Variants in AGPS observed in about 807,000 individuals in gnomAD.
AGPS encodes the protein alkylglycerone phosphate synthase.
A neutral mutation model predicts 90.7 loss-of-function variants in AGPS; 26 were observed. That is an observed-to-expected ratio of 0.29 (90% CI 0.21 to 0.40). AGPS has a LOEUF of 0.40. Among genes scored for constraint, AGPS ranks in the 10% least tolerant of loss-of-function variants. The pLI is 1.00. For synonymous variants in AGPS, 294 were observed against 285.3 expected, an observed-to-expected ratio of 1.03 and a Z score of -0.31; for missense variants, 540 against 816.1, an observed-to-expected ratio of 0.66 and a Z score of 4.12.
At chr2:177,490,066 CA>C (rs1688205753) in intron 11 of AGPS, among the ~76,000 whole-genome samples, 1 of 151,970 alleles carries the variant, frequency 6.6e-6, no homozygotes, top group Non-Finnish European at 1.5e-5. Context: ...TTAAACCTAC[CA>C]AATTAGTTTT....
At chr2:177,512,080 C>G (rs1412289541) in intron 16 of AGPS, among the ~76,000 whole-genome samples, 2 of 151,794 alleles carry the variant, frequency 1.3e-5, no homozygotes, top group Non-Finnish European at 2.9e-5. Flanking sequence ...TTTCTAGAGC[C>G]AACATAAAGA....
At chr2:177,493,295 T>A in intron 12 of AGPS, 96 bp downstream of exon 12, 1 of 1,076,008 alleles carries the variant, frequency 9.3e-7, no homozygotes, top group African/African-American at 1.5e-5. Context: ...AGAAAGAACG[T>A]CAGTCTTGCC....
intron 19 of AGPS, among the ~76,000 whole-genome samples, chr2:177,533,173 C>T (rs2079152928): frequency 6.6e-6 from 1 of 152,076 alleles, no homozygotes; most frequent in Admixed American, 6.6e-5. Context: ...TTTGACTGGC[C>T]TTTTCTAACA....
At chr2:177,473,387 T>A (rs1029400885) in intron 10 of AGPS, among the ~76,000 whole-genome samples, 2 of 152,206 alleles carry the variant, frequency 1.3e-5, no homozygotes, top group African/African-American at 4.8e-5. Context: ...TCAAACAGCA[T>A]TTGAAGCCTT....
At position 177,434,997 on chromosome 2, in the gene AGPS, G is replaced by GTATATATATATA. The variant is rs1553509324; in HGVS notation, c.441+596_441+607dup. On this transcript the variant is annotated intron_variant, in intron 3 of 19. Transcript: ENST00000264167. The stretch of plus-strand genomic sequence containing the variant: ...GGGATTAGGAAACTTTAAACTGTAG[G>GTATATATATATA]TATATATATATATATATATATATAT... Among the ~76,000 whole-genome samples the GTATATATATATA allele has an allele frequency of 4.1e-3, 523 of 128,056 alleles. 4 individuals are homozygous for GTATATATATATA. Among genetic ancestry groups the GTATATATATATA allele is most frequent in the South Asian group, 9.0e-3 (35 of 3,874 alleles). 84.0% of individuals were successfully genotyped at this position (128,056 alleles called of 152,430 possible).
At chr2:177,522,402 T>G (rs547211390) in intron 18 of AGPS, among the ~76,000 whole-genome samples, 1 of 152,256 alleles carries the variant, frequency 6.6e-6, no homozygotes, top group Admixed American at 6.5e-5. Flanking sequence ...AGGATATAAA[T>G]TCTTAGAGCA....
chr2:177,501,281 C>G (rs1343563194), intron 14 of AGPS, among the ~76,000 whole-genome samples: 1 of 152,090 alleles, frequency 6.6e-6, no homozygotes, highest in Non-Finnish European at 1.5e-5. Context: ...TGTACACACA[C>G]CCACACACAG....
chr2:177,462,495 A>G (rs2105667320), intron 9 of AGPS, among the ~76,000 whole-genome samples: 1 of 152,218 alleles, frequency 6.6e-6, no homozygotes, highest in Non-Finnish European at 1.5e-5. Flanking sequence ...TATAGTAGAA[A>G]GTTAATCAAA....
intron 12 of AGPS, among the ~76,000 whole-genome samples, chr2:177,495,238 T>G (rs962971444): frequency 6.6e-6 from 1 of 152,206 alleles, no homozygotes; most frequent in African/African-American, 2.4e-5. Context: ...CATTTATATG[T>G]TGATTCAATT....
intron 2 of AGPS, among the ~76,000 whole-genome samples, chr2:177,426,503 A>G (rs760667678): frequency 4.6e-5 from 7 of 152,186 alleles, no homozygotes; most frequent in Non-Finnish European, 7.3e-5. Flanking sequence ...GCTTTTGCTC[A>G]TTCTGGTATA....
At chr2:177,501,062 C>A (rs1688548767) in intron 14 of AGPS, among the ~76,000 whole-genome samples, 1 of 152,112 alleles carries the variant, frequency 6.6e-6, no homozygotes, top group African/African-American at 2.4e-5. Flanking sequence ...ACATTTAAAA[C>A]CTACTCTAGC....
chr2:177,520,681 G>T (rs1427399753), intron 17 of AGPS, among the ~76,000 whole-genome samples: 1 of 152,152 alleles, frequency 6.6e-6, no homozygotes, highest in African/African-American at 2.4e-5. Context: ...GTCACATGAA[G>T]AACTTAATTG....
chr2:177,493,029 A>G, intron 11 of AGPS, 119 bp from the exon 12 acceptor site: 1 of 895,714 alleles, frequency 1.1e-6, no homozygotes, highest in African/African-American at 1.7e-5. Context: ...TTTCCTCTGT[A>G]AATCCTTAGG....
chr2:177,507,665 C>T (rs909401932), intron 15 of AGPS, among the ~76,000 whole-genome samples: 3 of 152,184 alleles, frequency 2.0e-5, no homozygotes, highest in South Asian at 4.1e-4. Flanking sequence ...TCTACATGTA[C>T]ACAGACTGTT....
intron 14 of AGPS, among the ~76,000 whole-genome samples, chr2:177,503,377 A>T (rs1004947288): frequency 1.3e-5 from 2 of 152,210 alleles, no homozygotes; most frequent in African/African-American, 4.8e-5. Flanking sequence ...AAGCATGCTT[A>T]AGTTGTTTAA....
chr2:177,470,219 T>C (rs901412074), intron 10 of AGPS, among the ~76,000 whole-genome samples: 6 of 151,998 alleles, frequency 3.9e-5, no homozygotes, highest in African/African-American at 1.5e-4. Context: ...AATTGTGGAG[T>C]AGAACAGGCA....
Position 177,452,514 on chromosome 2 carries a change from A to G in AGPS, c.870+6888A>G, listed in dbSNP as rs576219507. On this transcript the variant is annotated intron_variant, in intron 8 of 19. Coordinates refer to ENST00000264167, the MANE Select transcript of AGPS (RefSeq NM_003659.4). ...GCTATTGGAGTTTTCTTAGCATGGT[A>G]TATCTTTTTGCTTTTTCCATTATTT... 9.2e-5 allele frequency among the ~76,000 whole-genome samples: 14 copies of G among 152,198 alleles called. No homozygotes were observed. The South Asian group carries it at 2.3e-3, about 25-fold the overall frequency.
chr2:177,470,568 G>A lies in AGPS; in HGVS notation c.1105+2044G>A, dbSNP rs371471123. ...AAAATACAAAAATTAGTCGGGTGTGGTGGTGCATGCCTGTAATCCCAGCTA... is the reference window on the plus strand; with the variant it reads ...AAAATACAAAAATTAGTCGGGTGTGATGGTGCATGCCTGTAATCCCAGCTA... On this transcript the variant is annotated intron_variant, in intron 10 of 19. Transcript: ENST00000264167. 4.6e-5 allele frequency among the ~76,000 whole-genome samples: 7 copies of A among 152,026 alleles called. No individual in the cohort carries two copies. In the South Asian group the frequency reaches 1.5e-3, roughly 32 times the overall value.
chr2:177,525,589 G>C (rs2079078328), intron 19 of AGPS, among the ~76,000 whole-genome samples: 1 of 152,154 alleles, frequency 6.6e-6, no homozygotes, highest in Non-Finnish European at 1.5e-5. Flanking sequence ...AAGAGGGTGA[G>C]AGCAGCTGAA....
Sources: allele counts gnomAD v4.1 joint callset (sites outside exome capture counted in the v4.1 genomes callset), GRCh38; gene constraint gnomAD v4.1.1; transcripts MANE v1.5; gene names NCBI Gene and HGNC (gene_info 2026-07-23, HGNC 2026-07-21).